The following NF1 variants were observed in gnomAD, a reference collection of about 807,000 sequenced individuals.
The protein encoded by NF1 is neurofibromin 1, also known as neurofibromin.
NF1 carries 122 observed loss-of-function variants against 325.7 expected under a neutral mutation model. The ratio of observed to expected loss-of-function variants is 0.37; its 90% CI spans 0.32 to 0.44. The LOEUF (loss-of-function observed/expected upper bound fraction) is 0.44, where lower values mean the gene tolerates loss of function less well. Among genes scored for constraint, NF1 ranks in the 20% least tolerant of loss-of-function variants. The pLI, the probability that NF1 is intolerant of heterozygous loss-of-function variation, is 1.00. For missense variants in NF1, 2,140 were observed against 3,415.4 expected (o/e 0.63, Z 9.31); for synonymous variants, 1,091 against 1,186.0 (o/e 0.92, Z 1.65).
intron 1 of NF1, among the ~76,000 whole-genome samples, chr17:31,146,017 T>A (rs1916560000): frequency 6.6e-6 from 1 of 152,232 alleles, no homozygotes; most frequent in Non-Finnish European, 1.5e-5. Context: ...GTAGTTGTTC[T>A]AGTTTTCTAT....
At position 31,155,837 on chromosome 17, in the gene NF1, G is replaced by T. The variant is rs190206490; in HGVS notation, c.61-146G>T. 487 of 849,804 alleles carry T rather than the reference G, an allele frequency of 5.7e-4. 3 individuals carry two copies. The African/African-American group carries it at 7.4e-3, about 13-fold the overall frequency. The allele number at this position is 849,804 out of a possible 1,614,324, so 52.6% of individuals were successfully genotyped here. ...GTGTATCATATATTGGAGGTTGATT[G>T]AAAATCGGAGTTTGAGATGCAAGTA... On this transcript the variant is annotated intron_variant, in intron 1 of 57. Coordinates refer to ENST00000358273, the MANE Select transcript of NF1 (RefSeq NM_001042492.3).
At chr17:31,232,052 T>TTC in intron 24 of NF1, 21 bp from the exon 25 acceptor site, 1 of 1,279,294 alleles carries the variant, frequency 7.8e-7, no homozygotes, top group Non-Finnish European at 1.1e-6. Flanking sequence ...AATTTTTTTT[T>TTC]TTTTTTTTTT....
intron 16 of NF1, among the ~76,000 whole-genome samples, chr17:31,224,146 G>A (rs1390472342): frequency 6.6e-6 from 1 of 152,104 alleles, no homozygotes; most frequent in Non-Finnish European, 1.5e-5. Context: ...CCTCCAATAA[G>A]GGTTTCACCT....
Position 31,274,897 on chromosome 17 carries a change from G to A in NF1, c.4835+9558G>A, listed in dbSNP as rs138694757. 3.5e-3 allele frequency among the ~76,000 whole-genome samples: 540 copies of A among 152,138 alleles called. 6 individuals are homozygous for A. Among genetic ancestry groups the A allele is most frequent in the African/African-American group, 0.012 (513 of 41,508 alleles). On this transcript the variant is annotated intron_variant, in intron 36 of 57. Transcript: ENST00000358273. Reference sequence around the variant, plus strand: ...ACTTGTTTAAAATTCAGAAGTTAGTGTTTTCTCCTTCCTATTTTTGTATCT... The same window carrying A: ...ACTTGTTTAAAATTCAGAAGTTAGTATTTTCTCCTTCCTATTTTTGTATCT...
chr17:31,191,823 A>G (rs1403599474), intron 8 of NF1, among the ~76,000 whole-genome samples: 1 of 152,208 alleles, frequency 6.6e-6, no homozygotes, highest in Admixed American at 6.5e-5. Context: ...GAGAACAAAG[A>G]TAGTATCTCA....
intron 29 of NF1, 43 bp from the exon 30 acceptor site, chr17:31,248,941 T>C: frequency 6.2e-7 from 1 of 1,603,952 alleles, no homozygotes; most frequent in Non-Finnish European, 8.5e-7. Flanking sequence ...TTGTTATTTG[T>C]TTTAAACAAA....
intron 21 of NF1, 28 bp downstream of exon 21, chr17:31,229,493 T>C: frequency 6.3e-7 from 1 of 1,595,116 alleles, no homozygotes; most frequent in Non-Finnish European, 8.6e-7. Context: ...TTTTCACCTT[T>C]CTCTATGAAT....
chr17:31,277,813 A>G (rs2068036852), intron 36 of NF1, among the ~76,000 whole-genome samples: 1 of 152,156 alleles, frequency 6.6e-6, no homozygotes, highest in Admixed American at 6.5e-5. Flanking sequence ...TGCTTCCTGC[A>G]CTCACTACTT....
At chr17:31,135,869 C>A (rs12943659) in intron 1 of NF1, among the ~76,000 whole-genome samples, 87,706 of 151,810 alleles carry the variant, frequency 0.58, 27,463 homozygotes, top group Middle Eastern at 0.8. Context: ...GAACCACCAC[C>A]CCCAGCTCTG....
intron 36 of NF1, among the ~76,000 whole-genome samples, chr17:31,294,106 TTAAGC>T (rs2068409875): frequency 6.6e-6 from 1 of 152,212 alleles, no homozygotes; most frequent in Admixed American, 6.5e-5. Flanking sequence ...GATTTTATTC[TTAAGC>T]TAATCTTATT....
At position 31,295,034 on chromosome 17, in the gene NF1, T is replaced by C; in HGVS notation, c.4835+29695T>C. On this transcript the variant is annotated intron_variant, in intron 36 of 57. Coordinates refer to ENST00000358273, the MANE Select transcript of NF1 (RefSeq NM_001042492.3). ...TCAGACAGCCAGCATGACCACAACA[T>C]TGAGCAATAAGAGAAATGAAGCATT... is the stretch of plus-strand genomic sequence containing the variant. The C allele has an allele frequency of 1.9e-6, 3 of 1,614,118 alleles. No individual in the cohort carries two copies. The highest frequency in any genetic ancestry group is 1.1e-5 in the South Asian group (1 of 91,082).
At chr17:31,367,209 T>G (rs748931135) in intron 57 of NF1, 47 of 1,306,806 alleles carry the variant, frequency 3.6e-5, no homozygotes, top group Non-Finnish European at 4.7e-5. Flanking sequence ...TTTTTTTTCT[T>G]CCATTCTTTG....
At chr17:31,307,368 A>G (rs1021515789) in intron 36 of NF1, among the ~76,000 whole-genome samples, 21 of 152,226 alleles carry the variant, frequency 1.4e-4, no homozygotes, top group African/African-American at 5.1e-4. Context: ...CAGGAGATGT[A>G]CAGAGAAGTT....
At chr17:31,248,580 G>A (rs2151450808) in intron 29 of NF1, among the ~76,000 whole-genome samples, 1 of 151,792 alleles carries the variant, frequency 6.6e-6, no homozygotes, top group South Asian at 2.1e-4. Flanking sequence ...TTTCATCCAA[G>A]CTGGAGTGCA....
Position 31,218,997 on chromosome 17 carries a change from C to A in NF1, c.1528-8C>A, listed in dbSNP as rs1434245278. On this transcript the variant is annotated splice_region_variant and splice_polypyrimidine_tract_variant and intron_variant, in intron 13 of 57. Transcript: ENST00000358273. ...TTTTTAATTGAAGTTTCCTTTTTTT[C>A]CTTGCAGAATCCAAGAAAACAGGGG... 1 of 1,607,830 alleles carries A rather than the reference C, an allele frequency of 6.2e-7. No homozygotes were observed. The highest frequency in any genetic ancestry group is 8.5e-7 in the Non-Finnish European group (1 of 1,176,532).
chr17:31,355,281 G>T (rs890050876), intron 51 of NF1, among the ~76,000 whole-genome samples: 72 of 152,262 alleles, frequency 4.7e-4, no homozygotes, highest in African/African-American at 1.6e-3. Context: ...GCACTGACTG[G>T]TTTTAGAAAA....
At chr17:31,168,891 C>T (rs1567820215) in intron 4 of NF1, among the ~76,000 whole-genome samples, 1 of 152,066 alleles carries the variant, frequency 6.6e-6, no homozygotes, top group Non-Finnish European at 1.5e-5. Context: ...GTCATTCATT[C>T]TTTATTTTAA....
intron 36 of NF1, chr17:31,318,426 C>T (rs2069083776): frequency 6.2e-7 from 1 of 1,613,790 alleles, no homozygotes; most frequent in African/African-American, 1.3e-5. Context: ...TTGTTCTTTT[C>T]CAAGTGTCTG....
intron 18 of NF1, 59 bp downstream of exon 18, chr17:31,226,743 T>A (rs2151426331): frequency 6.2e-7 from 1 of 1,606,642 alleles, no homozygotes; most frequent in Non-Finnish European, 8.5e-7. Flanking sequence ...GGCATCTGAT[T>A]TTGAGAATGT....
Sources: gnomAD v4.1 joint callset for allele counts (sites outside exome capture counted in the v4.1 genomes callset) on GRCh38, gnomAD v4.1.1 for gene constraint, MANE v1.5 for transcripts, NCBI Gene and HGNC (gene_info 2026-07-23, HGNC 2026-07-21) for gene names.